The following GRM1 variants were observed in gnomAD, a reference collection of about 807,000 sequenced individuals.
The protein encoded by GRM1 is glutamate metabotropic receptor 1, also known as metabotropic glutamate receptor 1.
Under a neutral mutation model 90.9 loss-of-function variants are expected in GRM1, and 33 were observed. The observed-to-expected ratio is 0.36, with a 90% confidence interval of 0.28 to 0.49. The LOEUF is 0.49. Among genes scored for constraint, GRM1 ranks in the 20% least tolerant of loss-of-function variants. The pLI, the probability that GRM1 is intolerant of heterozygous loss-of-function variation, is 0.99. For synonymous variants in GRM1, 700 were observed against 613.2 expected (o/e 1.14, Z -2.09); for missense variants, 1,190 against 1,534.3 (o/e 0.78, Z 3.75).
At chr6:146,141,989 G>A (rs564289928) in intron 1 of GRM1, among the ~76,000 whole-genome samples, 3 of 152,188 alleles carry the variant, frequency 2.0e-5, no homozygotes, top group Non-Finnish European at 4.4e-5. Flanking sequence ...AGATATTATA[G>A]TCTTCAAGGT....
intron 1 of GRM1, among the ~76,000 whole-genome samples, chr6:146,157,074 T>C (rs1777549990): frequency 6.6e-6 from 1 of 152,188 alleles, no homozygotes; most frequent in Non-Finnish European, 1.5e-5. Context: ...GATTCAAATA[T>C]CATTTGAATG....
At chr6:146,199,024 C>T (rs908128703) in intron 2 of GRM1, among the ~76,000 whole-genome samples, 7 of 152,152 alleles carry the variant, frequency 4.6e-5, no homozygotes, top group Admixed American at 6.6e-5. Flanking sequence ...CTCTATTATT[C>T]GGGGCCCTAT....
At chr6:146,077,532 C>A (rs1246864293) in intron 1 of GRM1, among the ~76,000 whole-genome samples, 1 of 152,170 alleles carries the variant, frequency 6.6e-6, no homozygotes, top group Non-Finnish European at 1.5e-5. Flanking sequence ...TGTGGTAGAA[C>A]AAGCACTAGC....
At chr6:146,057,894 T>C (rs534225877) in intron 1 of GRM1, among the ~76,000 whole-genome samples, 40 of 152,210 alleles carry the variant, frequency 2.6e-4, no homozygotes, top group African/African-American at 8.7e-4. Context: ...TCATTGGGTT[T>C]TGGTGAACAA....
At chr6:146,212,633 A>G (rs971631434) in intron 2 of GRM1, among the ~76,000 whole-genome samples, 17 of 152,298 alleles carry the variant, frequency 1.1e-4, no homozygotes, top group African/African-American at 3.8e-4. Context: ...ATTTGCTGCT[A>G]TGGTAAAGAA....
At chr6:146,296,600 C>G (rs530046362) in intron 2 of GRM1, among the ~76,000 whole-genome samples, 5 of 152,258 alleles carry the variant, frequency 3.3e-5, no homozygotes, top group African/African-American at 7.2e-5. Context: ...AATGGTAATT[C>G]AGAATTCCAT....
intron 2 of GRM1, among the ~76,000 whole-genome samples, chr6:146,259,432 G>T (rs1370452761): frequency 3.9e-5 from 6 of 152,128 alleles, no homozygotes; most frequent in African/African-American, 1.4e-4. Context: ...TTGCATAACT[G>T]AAACTTTATA....
At chr6:146,186,465 T>C (rs1038165483) in intron 2 of GRM1, among the ~76,000 whole-genome samples, 7 of 152,182 alleles carry the variant, frequency 4.6e-5, no homozygotes, top group African/African-American at 9.7e-5. Context: ...TCTGACCAAA[T>C]TTCTTATAAT....
chr6:146,286,493 A>G (rs1041177602), intron 2 of GRM1, among the ~76,000 whole-genome samples: 3 of 152,180 alleles, frequency 2.0e-5, no homozygotes, highest in Non-Finnish European at 2.9e-5. Flanking sequence ...TATAAACTAA[A>G]TCAAGTACTT....
At chr6:146,047,618 G>T (rs1791382233) in intron 1 of GRM1, among the ~76,000 whole-genome samples, 1 of 151,172 alleles carries the variant, frequency 6.6e-6, no homozygotes, top group Non-Finnish European at 1.5e-5. Flanking sequence ...CCTTCTTCTT[G>T]GCAGAGAGGC....
At chr6:146,182,684 T>C (rs1662349122) in intron 2 of GRM1, among the ~76,000 whole-genome samples, 1 of 152,154 alleles carries the variant, frequency 6.6e-6, no homozygotes, top group South Asian at 2.1e-4. Flanking sequence ...CACTGCAGAT[T>C]TGAATACAAG....
intron 2 of GRM1, among the ~76,000 whole-genome samples, chr6:146,298,122 T>C (rs1783248168): frequency 6.6e-6 from 1 of 152,206 alleles, no homozygotes; most frequent in Non-Finnish European, 1.5e-5. Context: ...ACTCATTCAT[T>C]CTCTACATTC....
intron 2 of GRM1, among the ~76,000 whole-genome samples, chr6:146,236,927 C>T (rs1780666873): frequency 6.6e-6 from 1 of 151,988 alleles, no homozygotes; most frequent in South Asian, 2.1e-4. Flanking sequence ...GGTCAAACTC[C>T]CCAAGTGTTT....
Position 146,428,684 on chromosome 6 carries a change from A to C in GRM1, c.2661-5188A>C, listed in dbSNP as rs138670096. 2.7e-3 allele frequency among the ~76,000 whole-genome samples: 405 copies of C among 152,260 alleles called. 2 individuals carry two copies. The highest frequency in any genetic ancestry group is 9.4e-3 in the African/African-American group (391 of 41,538). ...ATACTTCCTGAAGAAATATAATCAT[A>C]TTTGTTATACCTCTGCTAAAGCAAC... On this transcript the variant is annotated intron_variant, in intron 7 of 7. Transcript: ENST00000282753.
At chr6:146,028,094 G>C (rs551405288), upstream of GRM1, among the ~76,000 whole-genome samples, 5 of 152,160 alleles carry the variant, frequency 3.3e-5, no homozygotes, top group South Asian at 1.0e-3. Flanking sequence ...ACGGGAGAGG[G>C]AGCCAACTTC....
At chr6:146,188,377 T>G (rs957791295) in intron 2 of GRM1, among the ~76,000 whole-genome samples, 2 of 152,178 alleles carry the variant, frequency 1.3e-5, no homozygotes, top group Non-Finnish European at 2.9e-5. Flanking sequence ...CTCAGGATCC[T>G]TCACAGATGT....
intron 3 of GRM1, among the ~76,000 whole-genome samples, chr6:146,333,533 A>G (rs1031624562): frequency 4.6e-5 from 7 of 152,198 alleles, no homozygotes; most frequent in Non-Finnish European, 1.0e-4. Flanking sequence ...TCTACCAGCA[A>G]GTGAACGGTG....
intron 2 of GRM1, among the ~76,000 whole-genome samples, chr6:146,193,483 A>C (rs1779001090): frequency 6.6e-6 from 1 of 152,152 alleles, no homozygotes. Context: ...GAGTGAAAAA[A>C]AGTACAACTG....
Position 146,398,793 on chromosome 6 carries a change from A to C in GRM1, c.1754A>C (p.Tyr585Ser). ...GGCTGTGAGCCCATTCCTGTGCGCT[A>C]TCTTGAGTGGAGCAACATCGAATCC... ...LTGCEPIPVR[Y>S]LEWSNIESII... is the part of the protein sequence containing the mutation. Residue 585 changes from tyrosine to serine, a missense_variant, in exon 7 of 8, where the codon TAT becomes TCT. This residue lies in a region of GRM1 where 414 missense variants were observed against 598.4 expected (regional missense o/e 0.69). Transcript: ENST00000282753. 1.2e-6 allele frequency: 2 copies of C among 1,613,170 alleles called. No homozygotes were observed. The highest frequency in any genetic ancestry group is 1.7e-6 in the Non-Finnish European group (2 of 1,179,152).
Sources: gnomAD v4.1 joint callset for allele counts (sites outside exome capture counted in the v4.1 genomes callset) on GRCh38, gnomAD v4.1.1 for gene constraint, gnomAD v4.1.1 regional missense constraint, MANE v1.5 for transcripts, NCBI Gene and HGNC (gene_info 2026-07-23, HGNC 2026-07-21) for gene names.